Variants in PTPRD observed in about 807,000 individuals in gnomAD.
PTPRD encodes the protein receptor-type tyrosine-protein phosphatase delta.
Under a neutral mutation model 214.5 loss-of-function variants are expected in PTPRD, and 34 were observed. That is an observed-to-expected ratio of 0.16 (90% CI 0.12 to 0.21). The LOEUF is 0.21. Ranked by LOEUF, PTPRD falls within the 10% of genes least tolerant of loss-of-function variation. The probability of loss-of-function intolerance (pLI) is 1.00; values close to 1 mark genes in which losing one functional copy is unlikely to be tolerated. For missense variants in PTPRD, 2,545 were observed against 2,398.7 expected (o/e 1.06, Z -1.27); for synonymous variants, 1,128 against 845.7 (o/e 1.33, Z -5.79).
chr9:9,031,830 C>A (rs551915464), intron 10 of PTPRD, among the ~76,000 whole-genome samples: 1 of 152,042 alleles, frequency 6.6e-6, no homozygotes, highest in East Asian at 1.9e-4. Flanking sequence ...TGGGACACGG[C>A]TTCCTGGACG....
intron 10 of PTPRD, among the ~76,000 whole-genome samples, chr9:9,158,344 G>A (rs573800436): frequency 8.5e-5 from 13 of 152,254 alleles, no homozygotes; most frequent in African/African-American, 3.1e-4. Context: ...ACTCACGCCT[G>A]TAATCCCAGC....
At chr9:9,492,429 C>T (rs1330029954) in intron 8 of PTPRD, among the ~76,000 whole-genome samples, 1 of 151,842 alleles carries the variant, frequency 6.6e-6, no homozygotes, top group South Asian at 2.1e-4. Flanking sequence ...CCAAATCCAG[C>T]AGCATGTTAA....
intron 8 of PTPRD, among the ~76,000 whole-genome samples, chr9:9,440,949 G>GTGAA (rs1258584041): frequency 6.6e-6 from 1 of 152,198 alleles, no homozygotes; most frequent in African/African-American, 2.4e-5. Flanking sequence ...TGGGCAGAGC[G>GTGAA]TGAAGTCAAG....
intron 3 of PTPRD, among the ~76,000 whole-genome samples, chr9:10,139,543 G>A (rs959604720): frequency 6.6e-6 from 1 of 151,834 alleles, no homozygotes; most frequent in Admixed American, 6.6e-5. Flanking sequence ...AAATTCATAT[G>A]GAACCAAAAT....
intron 3 of PTPRD, among the ~76,000 whole-genome samples, chr9:10,266,731 CA>C (rs1305825614): frequency 2.0e-5 from 3 of 151,642 alleles, no homozygotes; most frequent in Non-Finnish European, 4.4e-5. Context: ...CACTGCATTG[CA>C]GGCTAATTTT....
At chr9:10,545,507 T>C (rs2059990410) in intron 2 of PTPRD, among the ~76,000 whole-genome samples, 1 of 152,188 alleles carries the variant, frequency 6.6e-6, no homozygotes, top group African/African-American at 2.4e-5. Context: ...AAAGTTTATT[T>C]TAATCCCTTG....
intron 11 of PTPRD, among the ~76,000 whole-genome samples, chr9:8,798,656 C>T (rs1017550463): frequency 4.6e-5 from 7 of 152,188 alleles, no homozygotes; most frequent in African/African-American, 1.7e-4. Flanking sequence ...ATCTACTCTA[C>T]GTTAAGTGTT....
At chr9:9,707,969 C>G (rs542429132) in intron 7 of PTPRD, among the ~76,000 whole-genome samples, 1 of 151,890 alleles carries the variant, frequency 6.6e-6, no homozygotes, top group Non-Finnish European at 1.5e-5. Flanking sequence ...TCTGATCACC[C>G]TTTAATGTAC....
intron 3 of PTPRD, among the ~76,000 whole-genome samples, chr9:10,112,036 T>C (rs1412819876): frequency 6.6e-6 from 1 of 152,218 alleles, no homozygotes; most frequent in African/African-American, 2.4e-5. Flanking sequence ...GTGGTTTAAA[T>C]CAATTGTGAA....
chr9:9,162,252 T>C (rs2099891102), intron 10 of PTPRD, among the ~76,000 whole-genome samples: 1 of 152,174 alleles, frequency 6.6e-6, no homozygotes, highest in Admixed American at 6.6e-5. Flanking sequence ...CATTCATGAT[T>C]GCTAATCTTA....
At chr9:10,531,050 A>G (rs1160031044) in intron 2 of PTPRD, among the ~76,000 whole-genome samples, 1 of 152,054 alleles carries the variant, frequency 6.6e-6, no homozygotes, top group Admixed American at 6.6e-5. Context: ...CCCAGGTTCA[A>G]GTAATTCTCC....
At chr9:9,171,918 A>G (rs1040220791) in intron 10 of PTPRD, among the ~76,000 whole-genome samples, 1 of 152,148 alleles carries the variant, frequency 6.6e-6, no homozygotes, top group Non-Finnish European at 1.5e-5. Flanking sequence ...TCATTATTTA[A>G]CAAATATTAT....
At position 9,851,452 on chromosome 9, in the gene PTPRD, GT is replaced by G. The variant is rs549991362; in HGVS notation, c.-367-84602del. 1.7e-3 allele frequency among the ~76,000 whole-genome samples: 257 copies of G among 152,224 alleles called. 1 individual carries two copies. Among genetic ancestry groups the G allele is most frequent in the African/African-American group, 6.1e-3 (253 of 41,554 alleles). On this transcript the variant is annotated intron_variant, in intron 5 of 45. Coordinates refer to ENST00000381196, the MANE Select transcript of PTPRD (RefSeq NM_002839.4). ...AAAGATTTAAATATTGCCTCTTTTT[GT>G]TTTGGTTCAAGTGAAGTTACAACAA...
At chr9:9,649,175 A>T (rs528934947) in intron 7 of PTPRD, among the ~76,000 whole-genome samples, 5 of 152,184 alleles carry the variant, frequency 3.3e-5, no homozygotes, top group Non-Finnish European at 7.4e-5. Flanking sequence ...GTAATTTTCT[A>T]GGAGGCTCCT....
At chr9:9,331,295 C>G (rs907385595) in intron 9 of PTPRD, among the ~76,000 whole-genome samples, 3 of 151,920 alleles carry the variant, frequency 2.0e-5, no homozygotes, top group Non-Finnish European at 4.4e-5. Flanking sequence ...TCTTTTTCCA[C>G]CCCCATTTCC....
chr9:10,016,357 T>TTAGA (rs1555471278), intron 4 of PTPRD, among the ~76,000 whole-genome samples: 17,686 of 97,272 alleles, frequency 0.18, 1,197 homozygotes, highest in African/African-American at 0.24. Context: ...GATAGAAAGA[T>TTAGA]TAGATAGATA....
intron 12 of PTPRD, among the ~76,000 whole-genome samples, chr9:8,685,670 C>G (rs1181313374): frequency 6.6e-6 from 1 of 152,046 alleles, no homozygotes; most frequent in Non-Finnish European, 1.5e-5. Flanking sequence ...CAAACTAACA[C>G]CATAGAGAAA....
At chr9:9,729,803 G>A (rs992434169) in intron 7 of PTPRD, among the ~76,000 whole-genome samples, 13 of 152,030 alleles carry the variant, frequency 8.6e-5, no homozygotes, top group Non-Finnish European at 1.5e-4. Context: ...ATGAGAGTAT[G>A]ATTCCTTCCT....
At chr9:10,464,708 AT>A (rs1157209533) in intron 2 of PTPRD, among the ~76,000 whole-genome samples, 1 of 151,592 alleles carries the variant, frequency 6.6e-6, no homozygotes, top group African/African-American at 2.4e-5. Context: ...CTTTTTAAAT[AT>A]TTTTTAAAGT....
Sources: gnomAD v4.1 joint callset for allele counts (sites outside exome capture counted in the v4.1 genomes callset) on GRCh38, gnomAD v4.1.1 for gene constraint, MANE v1.5 for transcripts, NCBI Gene and HGNC (gene_info 2026-07-23, HGNC 2026-07-21) for gene names.